Variants in KDM2B observed in about 807,000 individuals in gnomAD.
The protein encoded by KDM2B is lysine-specific demethylase 2B.
KDM2B carries 26 observed loss-of-function variants against 150.0 expected under a neutral mutation model. The ratio of observed to expected loss-of-function variants is 0.17; its 90% confidence interval spans 0.13 to 0.24. KDM2B has a LOEUF of 0.24. Among genes scored for constraint, KDM2B ranks in the 10% least tolerant of loss-of-function variants. The probability of loss-of-function intolerance (pLI) is 1.00; values close to 1 mark genes in which losing one functional copy is unlikely to be tolerated. For missense variants in KDM2B, 1,265 were observed against 1,816.9 expected (o/e 0.70, Z 5.52); for synonymous variants, 734 against 729.5 (o/e 1.01, Z -0.10).
At chr12:121,576,884 G>C (rs1263499819) in intron 2 of KDM2B, among the ~76,000 whole-genome samples, 2 of 152,202 alleles carry the variant, frequency 1.3e-5, no homozygotes, top group African/African-American at 4.8e-5. Context: ...GGGCAGCCTT[G>C]GGGGAGGAGG....
upstream of KDM2B, chr12:121,581,210 G>A (rs898610615): frequency 1.3e-5 from 4 of 308,330 alleles, no homozygotes; most frequent in Admixed American, 1.0e-4. Context: ...AGGAGCGAAA[G>A]ACGCAGAGAA....
At chr12:121,565,607 C>T (rs896842677) in intron 4 of KDM2B, among the ~76,000 whole-genome samples, 1 of 151,716 alleles carries the variant, frequency 6.6e-6, no homozygotes, top group Admixed American at 6.6e-5. Context: ...CGCGGGCCAC[C>T]GCGCCTGGCC....
chr12:121,517,017 C>T (rs1555305135), intron 9 of KDM2B, among the ~76,000 whole-genome samples: 6 of 151,654 alleles, frequency 4.0e-5, no homozygotes, highest in Non-Finnish European at 8.8e-5. Flanking sequence ...GGGAAGGCTG[C>T]TTTCACTAGA....
At chr12:121,566,360 G>C (rs570559001) in intron 4 of KDM2B, among the ~76,000 whole-genome samples, 5 of 152,096 alleles carry the variant, frequency 3.3e-5, no homozygotes, top group African/African-American at 9.7e-5. Context: ...AGTGGCTCAC[G>C]CCTGTAATCC....
intron 12 of KDM2B, among the ~76,000 whole-genome samples, chr12:121,461,019 G>A (rs1879041871): frequency 6.6e-6 from 1 of 152,172 alleles, no homozygotes; most frequent in Non-Finnish European, 1.5e-5. Context: ...CTGAGATACA[G>A]ACCCAGGCAG....
chr12:121,466,455 T>C (rs1462645444), intron 12 of KDM2B, among the ~76,000 whole-genome samples: 1 of 152,006 alleles, frequency 6.6e-6, no homozygotes, highest in Non-Finnish European at 1.5e-5. Context: ...CCGAGAGAGG[T>C]TGCTTTTCCT....
downstream of KDM2B, among the ~76,000 whole-genome samples, chr12:121,427,634 T>C (rs1872572946): frequency 6.6e-6 from 1 of 152,232 alleles, no homozygotes. Context: ...GGAGAGTTTA[T>C]GGCCACTGTG....
chr12:121,422,041 A>C, the KDM2B span, among the ~76,000 whole-genome samples: 47,244 of 152,098 alleles, frequency 0.31, 8,887 homozygotes, highest in East Asian at 0.43. Context: ...GCTGGCTGGG[A>C]AATGGTTTTC....
intron 1 of KDM2B, chr12:121,579,608 G>T: frequency 7.7e-7 from 1 of 1,304,482 alleles, no homozygotes; most frequent in Non-Finnish European, 1.0e-6. Context: ...ACCCCAAAAC[G>T]CACCAGCAGC....
At chr12:121,436,478 G>A (rs901326355) in intron 22 of KDM2B, among the ~76,000 whole-genome samples, 5 of 150,284 alleles carry the variant, frequency 3.3e-5, no homozygotes, top group African/African-American at 4.9e-5. Context: ...CCGAGATCGC[G>A]CAATTGCACT....
chr12:121,559,903 CAAAA>C (rs200588261), intron 4 of KDM2B, among the ~76,000 whole-genome samples: 1 of 66,488 alleles, frequency 1.5e-5, no homozygotes, highest in Non-Finnish European at 3.2e-5. Context: ...AACTCCATCT[CAAAA>C]AAAAAAAAAA....
intron 4 of KDM2B, among the ~76,000 whole-genome samples, chr12:121,550,358 A>T (rs1889390435): frequency 6.6e-6 from 1 of 152,090 alleles, no homozygotes; most frequent in African/African-American, 2.4e-5. Flanking sequence ...TATAAACAAG[A>T]AAATCCCAAG....
At chr12:121,528,368 G>A (rs1887332844) in intron 8 of KDM2B, among the ~76,000 whole-genome samples, 1 of 152,144 alleles carries the variant, frequency 6.6e-6, no homozygotes, top group South Asian at 2.1e-4. Context: ...AGACCAGGTT[G>A]ATCAACATGG....
intron 22 of KDM2B, among the ~76,000 whole-genome samples, chr12:121,437,625 G>A (rs1253075986): frequency 6.6e-6 from 1 of 152,192 alleles, no homozygotes; most frequent in African/African-American, 2.4e-5. Context: ...ATTGTCTCAG[G>A]TAGTGAGGAT....
At chr12:121,419,129 T>C in the KDM2B span, among the ~76,000 whole-genome samples, 1 of 152,244 alleles carries the variant, frequency 6.6e-6, no homozygotes, top group Non-Finnish European at 1.5e-5. Context: ...ACGGCAGTGG[T>C]TCTGTAAGAT....
downstream of KDM2B, among the ~76,000 whole-genome samples, chr12:121,424,599 T>C (rs1758315803): frequency 6.6e-6 from 1 of 151,740 alleles, no homozygotes; most frequent in South Asian, 2.1e-4. Flanking sequence ...TAGTCCCAGC[T>C]ACTCAGGAGG....
chr12:121,441,721 C>G (rs544828211), intron 19 of KDM2B, among the ~76,000 whole-genome samples: 7 of 152,318 alleles, frequency 4.6e-5, no homozygotes, highest in Non-Finnish European at 1.0e-4. Context: ...CCACTGCGCC[C>G]GGCCTCCATC....
intron 4 of KDM2B, among the ~76,000 whole-genome samples, chr12:121,569,661 G>T (rs925797238): frequency 6.6e-6 from 1 of 152,136 alleles, no homozygotes; most frequent in Admixed American, 6.5e-5. Context: ...CTCAGAGACC[G>T]AAATGGGCAT....
intron 12 of KDM2B, among the ~76,000 whole-genome samples, chr12:121,484,426 T>C (rs1882521005): frequency 6.6e-6 from 1 of 151,402 alleles, no homozygotes; most frequent in African/African-American, 2.4e-5. Flanking sequence ...TCCCCAGCAA[T>C]GAAAGGAAGA....
Sources: gnomAD v4.1 joint callset for allele counts (sites outside exome capture counted in the v4.1 genomes callset) on GRCh38, gnomAD v4.1.1 for gene constraint, MANE v1.5 for transcripts, NCBI Gene and HGNC (gene_info 2026-07-23, HGNC 2026-07-21) for gene names.